OSBPL10: variants seen among roughly 807,000 people sequenced by gnomAD.
The protein encoded by OSBPL10 is oxysterol binding protein like 10, also known as oxysterol-binding protein-related protein 10.
OSBPL10 carries 49 observed loss-of-function variants against 81.7 expected under a neutral mutation model. That is an observed-to-expected ratio of 0.60 (90% CI 0.48 to 0.76). OSBPL10 has a LOEUF of 0.76. Among genes scored for constraint, OSBPL10 ranks in the 30% least tolerant of loss-of-function variants. OSBPL10 has a pLI of 0.00. For synonymous variants in OSBPL10, 419 were observed against 383.6 expected (o/e 1.09, Z -1.08); for missense variants, 923 against 987.8 (o/e 0.93, Z 0.88).
At chr3:31,829,575 T>C (rs1241627355) in intron 4 of OSBPL10, among the ~76,000 whole-genome samples, 1 of 152,148 alleles carries the variant, frequency 6.6e-6, no homozygotes. Context: ...AGTATTCTTT[T>C]CACTACCCAA....
intron 1 of OSBPL10, among the ~76,000 whole-genome samples, chr3:31,906,146 C>A (rs904883098): frequency 6.6e-6 from 1 of 152,164 alleles, no homozygotes; most frequent in Non-Finnish European, 1.5e-5. Flanking sequence ...ATCTATTTCA[C>A]GATCAGGGAA....
At chr3:31,750,374 T>C (rs1359100868) in intron 4 of OSBPL10, among the ~76,000 whole-genome samples, 2 of 152,206 alleles carry the variant, frequency 1.3e-5, no homozygotes, top group Non-Finnish European at 2.9e-5. Flanking sequence ...CCAAGTACTG[T>C]AAGTACCTAC....
intron 2 of OSBPL10, among the ~76,000 whole-genome samples, chr3:31,997,189 A>G (rs1049834167): frequency 4.6e-5 from 7 of 152,190 alleles, no homozygotes; most frequent in African/African-American, 1.7e-4. Flanking sequence ...AGAGCCCTGT[A>G]AATATGACTA....
chr3:31,855,838 C>A (rs919991130), intron 3 of OSBPL10, among the ~76,000 whole-genome samples: 1 of 152,030 alleles, frequency 6.6e-6, no homozygotes, highest in African/African-American at 2.4e-5. Flanking sequence ...TAAGAGCTGT[C>A]TACCCTCAAG....
chr3:32,040,107 C>T (rs1699558997), intron 2 of OSBPL10, among the ~76,000 whole-genome samples: 1 of 152,114 alleles, frequency 6.6e-6, no homozygotes, highest in Non-Finnish European at 1.5e-5. Context: ...GCAGTATACT[C>T]AGAGAATTGA....
At chr3:31,916,157 A>G (rs1056718493) in intron 1 of OSBPL10, among the ~76,000 whole-genome samples, 3 of 152,102 alleles carry the variant, frequency 2.0e-5, no homozygotes, top group African/African-American at 7.2e-5. Flanking sequence ...TTAATGTACA[A>G]TAAGTATGCA....
intron 4 of OSBPL10, among the ~76,000 whole-genome samples, chr3:31,805,796 A>C (rs1699507212): frequency 6.6e-6 from 1 of 152,170 alleles, no homozygotes; most frequent in Non-Finnish European, 1.5e-5. Flanking sequence ...CAGGCCTCAC[A>C]AGATAACCCA....
chr3:31,861,308 G>A (rs1701052345), intron 3 of OSBPL10, among the ~76,000 whole-genome samples: 1 of 151,968 alleles, frequency 6.6e-6, no homozygotes, highest in African/African-American at 2.4e-5. Flanking sequence ...ATATCAAATG[G>A]CATTTTATTT....
chr3:31,759,848 C>T (rs1260426459), intron 4 of OSBPL10, among the ~76,000 whole-genome samples: 1 of 152,104 alleles, frequency 6.6e-6, no homozygotes, highest in Non-Finnish European at 1.5e-5. Context: ...CAACCTCTGC[C>T]TCCTGGGTTC....
intron 4 of OSBPL10, chr3:31,794,554 T>C: frequency 2.9e-6 from 1 of 350,860 alleles, no homozygotes; most frequent in Non-Finnish European, 5.7e-6. Context: ...CCAGAAGAAA[T>C]GGAGTCTCCT....
At chr3:31,805,028 A>C (rs1463903161) in intron 4 of OSBPL10, among the ~76,000 whole-genome samples, 1 of 152,142 alleles carries the variant, frequency 6.6e-6, no homozygotes, top group East Asian at 1.9e-4. Flanking sequence ...CAAAATTCGT[A>C]ATTATTATTT....
At chr3:31,744,460 C>A (rs1697456484) in intron 5 of OSBPL10, among the ~76,000 whole-genome samples, 1 of 147,450 alleles carries the variant, frequency 6.8e-6, no homozygotes, top group South Asian at 2.2e-4. Context: ...ATTGCCTGAA[C>A]CTGGGAAGCG....
intron 1 of OSBPL10, among the ~76,000 whole-genome samples, chr3:31,906,048 G>T (rs775101598): frequency 1.3e-5 from 2 of 152,010 alleles, no homozygotes; most frequent in Non-Finnish European, 2.9e-5. Context: ...AAGTTTCTTC[G>T]ATTCCACAAA....
At chr3:31,945,385 C>G (rs188120173) in intron 1 of OSBPL10, among the ~76,000 whole-genome samples, 1 of 152,148 alleles carries the variant, frequency 6.6e-6, no homozygotes, top group South Asian at 2.1e-4. Flanking sequence ...GGACCGGAAG[C>G]CTCAAAACAA....
At chr3:31,774,397 C>T (rs1242193627) in intron 4 of OSBPL10, among the ~76,000 whole-genome samples, 4 of 152,104 alleles carry the variant, frequency 2.6e-5, no homozygotes, top group Non-Finnish European at 5.9e-5. Context: ...AGCAGGCGAG[C>T]GGAGTGTCGA....
rs577164618 is a variant in OSBPL10 at position 31,728,413 on chromosome 3, C to T, written c.1095+4844G>A. 2.2e-4 allele frequency among the ~76,000 whole-genome samples: 33 copies of T among 152,306 alleles called. 1 individual carries two copies. The South Asian group carries it at 5.2e-3, about 24-fold the overall frequency. On this transcript the variant is annotated intron_variant, in intron 6 of 11. Transcript: ENST00000396556. The stretch of plus-strand genomic sequence containing the variant: ...CCTAAGGCCAGGGGTAGGTATCTGG[C>T]ACCAGATATTTACCCTCAAATAATT...
At chr3:31,940,915 G>A (rs1043822192) in intron 1 of OSBPL10, among the ~76,000 whole-genome samples, 7 of 152,226 alleles carry the variant, frequency 4.6e-5, no homozygotes, top group Non-Finnish European at 8.8e-5. Context: ...TGGGATTACA[G>A]GCATGAGCCA....
intron 1 of OSBPL10, among the ~76,000 whole-genome samples, chr3:32,071,685 C>A (rs1185205267): frequency 6.6e-6 from 1 of 152,228 alleles, no homozygotes; most frequent in Non-Finnish European, 1.5e-5. Context: ...TCATAACTTC[C>A]AAAATCTATT....
intron 2 of OSBPL10, among the ~76,000 whole-genome samples, chr3:31,995,313 C>G (rs1699079730): frequency 6.6e-6 from 1 of 152,156 alleles, no homozygotes; most frequent in Admixed American, 6.5e-5. Flanking sequence ...CAGACATCCC[C>G]AGAGCGGCCG....
Sources: allele counts gnomAD v4.1 joint callset (sites outside exome capture counted in the v4.1 genomes callset), GRCh38; gene constraint gnomAD v4.1.1; transcripts MANE v1.5; gene names NCBI Gene and HGNC (gene_info 2026-07-23, HGNC 2026-07-21).